Variants in HERC2 observed in about 807,000 individuals in gnomAD.
HERC2 encodes the protein HECT and RLD domain containing E3 ubiquitin protein ligase 2, also known as E3 ubiquitin-protein ligase HERC2.
Under a neutral mutation model 537.7 loss-of-function variants are expected in HERC2, and 102 were observed. The observed-to-expected ratio is 0.19, with a 90% CI of 0.16 to 0.22. The LOEUF (loss-of-function observed/expected upper bound fraction) is 0.22, where lower values mean the gene tolerates loss of function less well. Ranked by LOEUF, HERC2 falls within the 10% of genes least tolerant of loss-of-function variation. The pLI, the probability that HERC2 is intolerant of heterozygous loss-of-function variation, is 1.00. For missense variants in HERC2, 4,236 were observed against 6,198.2 expected, an observed-to-expected ratio of 0.68 and a Z score of 10.63; for synonymous variants, 2,224 against 2,466.2, an observed-to-expected ratio of 0.90 and a Z score of 2.91.
chr15:28,128,764 T>C (rs1889782504), intron 83 of HERC2, among the ~76,000 whole-genome samples: 1 of 152,218 alleles, frequency 6.6e-6, no homozygotes, highest in African/African-American at 2.4e-5. Context: ...CGCATGGGTC[T>C]GTCTCCCTTC....
chr15:28,186,610 T>G lies in HERC2; in HGVS notation c.8792A>C (p.Glu2931Ala). The G allele has an allele frequency of 6.2e-7, 1 of 1,614,116 alleles. No individual in the cohort carries two copies. The highest frequency in any genetic ancestry group is 8.5e-7 in the Non-Finnish European group (1 of 1,179,990). ...GTTGCCTTTCTCATCCTCCTCCTCT[T>G]CATTATCCGAAGCTAAGAAAGGAAC... is the stretch of plus-strand genomic sequence containing the variant. Reference protein sequence around the residue: ...AAVPFLASDNEEEEDEKGNSG... With the variant: ...AAVPFLASDNAEEEDEKGNSG... Residue 2931 changes from glutamate to alanine, a missense_variant, in exon 56 of 93, where the codon GAA becomes GCA. Transcript: ENST00000261609.
intron 89 of HERC2, chr15:28,115,136 C>T (rs1888077870): frequency 1.4e-5 from 7 of 516,172 alleles, no homozygotes; most frequent in East Asian, 9.2e-5. Context: ...AGGACAGAGC[C>T]TCCCGTGCAA....
chr15:28,257,941 C>A (rs2075310343), intron 16 of HERC2, among the ~76,000 whole-genome samples: 1 of 151,930 alleles, frequency 6.6e-6, no homozygotes, highest in South Asian at 2.1e-4. Flanking sequence ...GCCTCAGCCT[C>A]CCAAAGTGCT....
In HERC2 at chr15:28,224,162, CACACAG is replaced by C. The variant is rs1487883026; in HGVS notation, c.5465-1953_5465-1948del. Among the ~76,000 whole-genome samples, 101 of 148,540 alleles carry C rather than the reference CACACAG, an allele frequency of 6.8e-4. No homozygotes were observed. In the South Asian group the frequency reaches 8.1e-3, roughly 12 times the overall value. ...ACACACACACACCCACACACACACA[CACACAG>C]AGAGAGAGAGAAACAGACAGACAGA... On this transcript the variant is annotated intron_variant, in intron 35 of 92. Coordinates refer to ENST00000261609, the MANE Select transcript of HERC2 (RefSeq NM_004667.6).
At chr15:28,148,574 C>T (rs981033446) in intron 70 of HERC2, among the ~76,000 whole-genome samples, 2 of 152,164 alleles carry the variant, frequency 1.3e-5, no homozygotes, top group African/African-American at 2.4e-5. Context: ...AGAACATCAC[C>T]GAGAACGGCC....
intron 57 of HERC2, among the ~76,000 whole-genome samples, chr15:28,181,126 A>G (rs983291809): frequency 1.3e-5 from 2 of 152,204 alleles, no homozygotes; most frequent in South Asian, 2.1e-4. Context: ...CCCATTGTAG[A>G]TGGATGTAAT....
chr15:28,127,124 C>A (rs1208692269), intron 83 of HERC2, among the ~76,000 whole-genome samples: 1 of 152,222 alleles, frequency 6.6e-6, no homozygotes. Flanking sequence ...GTGACGCCTG[C>A]GTGGTCAAGG....
chr15:28,228,311 T>A lies in HERC2; in HGVS notation c.5371A>T (p.Ser1791Cys), dbSNP rs752715125. Reference sequence around the variant, plus strand: ...GCGCCGTGCTGCAGGGTGAGCATGCTGAGCATCACCAGGAGGAAGCGGGCT... The same window carrying A: ...GCGCCGTGCTGCAGGGTGAGCATGCAGAGCATCACCAGGAGGAAGCGGGCT... ...PQARFLLVMLSMLTLQHGANN... is the reference protein window; with the variant it reads ...PQARFLLVMLCMLTLQHGANN... Residue 1791 changes from serine (S) to cysteine (C), a missense_variant, in exon 35 of 93, where the codon AGC becomes TGC. Coordinates refer to ENST00000261609, the MANE Select transcript of HERC2 (RefSeq NM_004667.6). 6.2e-7 allele frequency: 1 copy of A among 1,612,702 alleles called. No individual in the cohort carries two copies. Among genetic ancestry groups the A allele is most frequent in the Non-Finnish European group, 8.5e-7 (1 of 1,179,840 alleles).
chr15:28,268,343 A>C lies in HERC2; in HGVS notation c.1598+122T>G, dbSNP rs150495603. 1 of 872,234 alleles carries C rather than the reference A, an allele frequency of 1.1e-6. No homozygotes were observed. Among genetic ancestry groups the C allele is most frequent in the African/African-American group, 1.7e-5 (1 of 59,898 alleles). The allele number at this position is 872,234 out of a possible 1,614,324, so 54.0% of individuals were successfully genotyped here. The stretch of plus-strand genomic sequence containing the variant: ...GAGGCATATCGTAGTGTCCTGCTCC[A>C]TCCCAGCGCTACATGTCAGGGCAAT... On this transcript the variant is annotated intron_variant, in intron 12 of 92. Transcript: ENST00000261609. The surrounding 1 kb of genome is among the most constrained non-coding windows in gnomAD (Gnocchi z 4.7).
In HERC2 at chr15:28,186,711, G is replaced by A. The variant is rs372150072; in HGVS notation, c.8691C>T (p.Ser2897=). Reference sequence around the variant, plus strand: ...CATGGATTTTACAATCGATTCCTGAGCTCCTGCACTGCTTTATAGCAATTT... The same window carrying A: ...CATGGATTTTACAATCGATTCCTGAACTCCTGCACTGCTTTATAGCAATTT... ...YIEIAIKQCR[S]SGIDCKIHGL... The change falls in exon 56 of 93, where the codon AGC becomes AGT. Residue 2897 remains serine, a synonymous_variant. Transcript: ENST00000261609. 1.9e-6 allele frequency: 3 copies of A among 1,613,794 alleles called. No homozygotes were observed. The African/African-American group carries it at 4.0e-5, about 22-fold the overall frequency.
intron 9 of HERC2, 49 bp from the exon 10 acceptor site, chr15:28,270,917 AGTT>A (rs1406949550): frequency 6.5e-7 from 1 of 1,536,630 alleles, no homozygotes; most frequent in Admixed American, 1.8e-5. Flanking sequence ...GAAAAATTAA[AGTT>A]AACACAATTA....
At chr15:28,114,937 G>T (rs1888050515) in intron 89 of HERC2, 135 bp from the exon 90 acceptor site, 1 of 641,102 alleles carries the variant, frequency 1.6e-6, no homozygotes, top group Non-Finnish European at 2.7e-6. Flanking sequence ...CAAGTGCATG[G>T]CACACACCAA....
chr15:28,233,030 G>C lies in HERC2; in HGVS notation c.4675+116C>G, dbSNP rs1043963801. The C allele has an allele frequency of 3.8e-5, 28 of 738,002 alleles. No homozygotes were observed. The African/African-American group carries it at 4.3e-4, about 11-fold the overall frequency. 45.7% of individuals were successfully genotyped at this position (738,002 alleles called of 1,614,324 possible). On this transcript the variant is annotated intron_variant, in intron 30 of 92. Coordinates refer to ENST00000261609, the MANE Select transcript of HERC2 (RefSeq NM_004667.6). ...AACTGTAATAAAAATGATGGCAGCA[G>C]GTAGAAATGTCACATGGAATCAACA...
intron 20 of HERC2, 129 bp downstream of exon 20, chr15:28,254,211 A>G: frequency 1.7e-6 from 1 of 603,518 alleles, no homozygotes; most frequent in Non-Finnish European, 2.8e-6. Flanking sequence ...TGAACCTGGG[A>G]GGCGGAGCTT....
chr15:28,239,105 TA>T (rs1376472513), intron 23 of HERC2, among the ~76,000 whole-genome samples: 2 of 152,088 alleles, frequency 1.3e-5, no homozygotes, highest in African/African-American at 4.8e-5. Context: ...TCATTCAAAA[TA>T]AATAAAAAAT....
chr15:28,164,913 A>G (rs1364140789), intron 68 of HERC2, among the ~76,000 whole-genome samples: 2 of 152,250 alleles, frequency 1.3e-5, no homozygotes, highest in African/African-American at 4.8e-5. Flanking sequence ...AGGCTTTCTT[A>G]CTACCATGGA....
chr15:28,182,329 T>A, intron 57 of HERC2, 72 bp downstream of exon 57: 1 of 906,200 alleles, frequency 1.1e-6, no homozygotes, highest in Non-Finnish European at 1.8e-6. Context: ...AGTAAAGTTA[T>A]TATAGAAACT....
intron 44 of HERC2, 40 bp downstream of exon 44, chr15:28,210,962 G>A (rs1899147339): frequency 3.2e-6 from 3 of 949,420 alleles, no homozygotes; most frequent in Non-Finnish European, 5.2e-6. Context: ...ACTTTCTACT[G>A]CCCTTCTTAT....
chr15:28,195,193 G>A (rs965042058), intron 52 of HERC2, among the ~76,000 whole-genome samples: 7 of 152,120 alleles, frequency 4.6e-5, no homozygotes, highest in African/African-American at 1.7e-4. Context: ...AAAAATAGAT[G>A]TTATAATTAA....
Sources: gnomAD v4.1 joint callset for allele counts (sites outside exome capture counted in the v4.1 genomes callset) on GRCh38, gnomAD v4.1.1 for gene constraint, Gnocchi (gnomAD v3.1) non-coding constraint, MANE v1.5 for transcripts, NCBI Gene and HGNC (gene_info 2026-07-23, HGNC 2026-07-21) for gene names.